The following HMGB1 variants were observed in gnomAD, a reference collection of about 807,000 sequenced individuals.
HMGB1 encodes the protein high mobility group protein B1.
For synonymous variants in HMGB1, 81 were observed against 84.0 expected, an observed-to-expected ratio of 0.96 and a Z score of 0.19; for missense variants, 79 against 253.5, an observed-to-expected ratio of 0.31 and a Z score of 4.67.
chr13:30,533,136 G>A (rs1387864420), intron 1 of HMGB1, among the ~76,000 whole-genome samples: 1 of 152,156 alleles, frequency 6.6e-6, no homozygotes, highest in Non-Finnish European at 1.5e-5. Context: ...ATGCAGCAGG[G>A]GAGACAGAAG....
intron 1 of HMGB1, among the ~76,000 whole-genome samples, chr13:30,596,373 G>A (rs985980746): frequency 8.5e-5 from 13 of 152,096 alleles, no homozygotes; most frequent in African/African-American, 2.4e-4. Flanking sequence ...TTTACCATAC[G>A]CGCCTTAGCA....
At chr13:30,473,861 CA>C (rs1887005534) in intron 1 of HMGB1, among the ~76,000 whole-genome samples, 1 of 152,198 alleles carries the variant, frequency 6.6e-6, no homozygotes, top group African/African-American at 2.4e-5. Context: ...AAATGCCCAT[CA>C]ACTGATGAGT....
intron 1 of HMGB1, among the ~76,000 whole-genome samples, chr13:30,605,083 G>A (rs886302141): frequency 1.6e-4 from 24 of 152,338 alleles, no homozygotes; most frequent in African/African-American, 5.3e-4. Context: ...TTCCTCATAC[G>A]GAGATGAGGA....
chr13:30,464,571 C>T, intron 1 of HMGB1: 2 of 983,974 alleles, frequency 2.0e-6, no homozygotes, highest in Non-Finnish European at 2.4e-6. Context: ...CCGGCAGGCC[C>T]TGCAGGCCCG....
Position 30,529,568 on chromosome 13 carries a change from C to G in HMGB1, c.-14-65874G>C, listed in dbSNP as rs116289645. ...AGTTCCATGAAATCCCTTAGGCATACGAGGCACTGCTGGGTGATGAACGCA... is the reference window on the plus strand; with the variant it reads ...AGTTCCATGAAATCCCTTAGGCATAGGAGGCACTGCTGGGTGATGAACGCA... On this transcript the variant is annotated intron_variant, in intron 1 of 4. Transcript: ENST00000405805. Among the ~76,000 whole-genome samples the G allele has an allele frequency of 7.3e-3, 1,110 of 152,248 alleles. 13 individuals are homozygous for G. Among genetic ancestry groups the G allele is most frequent in the African/African-American group, 0.021 (889 of 41,524 alleles).
intron 1 of HMGB1, among the ~76,000 whole-genome samples, chr13:30,471,708 G>A (rs1291207786): frequency 1.0e-5 from 1 of 99,094 alleles, no homozygotes; most frequent in Non-Finnish European, 1.8e-5. Flanking sequence ...CACTCTTGTT[G>A]CCCAGGCTGG....
intron 1 of HMGB1, among the ~76,000 whole-genome samples, chr13:30,501,848 C>G (rs1300077136): frequency 2.6e-5 from 4 of 151,986 alleles, no homozygotes; most frequent in Non-Finnish European, 4.4e-5. Context: ...AAAGGCAATA[C>G]CAAATACAAA....
intron 1 of HMGB1, chr13:30,465,113 G>A: frequency 1.0e-6 from 1 of 958,994 alleles, no homozygotes; most frequent in Non-Finnish European, 1.2e-6. Flanking sequence ...CGCCCGCCTT[G>A]TTTTCTCTCC....
intron 1 of HMGB1, among the ~76,000 whole-genome samples, chr13:30,578,457 T>C (rs1174957181): frequency 4.3e-5 from 6 of 140,208 alleles, no homozygotes; most frequent in African/African-American, 1.6e-4. Context: ...ACAAACTGAA[T>C]GGAATTGAGC....
chr13:30,495,354 C>A lies in HMGB1; in HGVS notation c.-14-31660G>T, dbSNP rs1171212191. ...TGCTTTTTTCCACTCTCCTTTTGAA[C>A]AACTCTAATTCGTAGAAATTTCTTT... On this transcript the variant is annotated intron_variant, in intron 1 of 4. Transcript: ENST00000405805. Among the ~76,000 whole-genome samples, 3 of 152,176 alleles carry A rather than the reference C, an allele frequency of 2.0e-5. No individual in the cohort carries two copies. In the South Asian group the frequency reaches 6.2e-4, roughly 32 times the overall value.
intron 1 of HMGB1, among the ~76,000 whole-genome samples, chr13:30,573,093 A>G (rs1870502360): frequency 6.6e-6 from 1 of 152,218 alleles, no homozygotes; most frequent in Admixed American, 6.5e-5. Flanking sequence ...CAACTCATTA[A>G]TTATAGGAAT....
intron 1 of HMGB1, among the ~76,000 whole-genome samples, chr13:30,612,853 C>T (rs1467675595): frequency 6.6e-6 from 1 of 152,206 alleles, no homozygotes; most frequent in Non-Finnish European, 1.5e-5. Flanking sequence ...GAAAAACGTT[C>T]TGCTGCTTTC....
intron 1 of HMGB1, among the ~76,000 whole-genome samples, chr13:30,502,488 G>A (rs1171986174): frequency 1.3e-5 from 2 of 151,932 alleles, no homozygotes; most frequent in Non-Finnish European, 2.9e-5. Context: ...ACCTTACATA[G>A]GATTTTAAAA....
At chr13:30,554,169 G>T (rs1051908004) in intron 1 of HMGB1, 1 of 1,380,652 alleles carries the variant, frequency 7.2e-7, no homozygotes, top group Non-Finnish European at 1.0e-6. Flanking sequence ...ATCAATAGTG[G>T]TGAAACCAGA....
chr13:30,569,295 C>T (rs1190187315), intron 1 of HMGB1, among the ~76,000 whole-genome samples: 1 of 152,228 alleles, frequency 6.6e-6, no homozygotes, highest in African/African-American at 2.4e-5. Flanking sequence ...CCATTTCAAA[C>T]TTGGCCTCTT....
At chr13:30,556,471 A>T (rs1014196637) in intron 1 of HMGB1, among the ~76,000 whole-genome samples, 2 of 152,230 alleles carry the variant, frequency 1.3e-5, no homozygotes, top group African/African-American at 4.8e-5. Flanking sequence ...TGTCTACTGC[A>T]GCACTATTCT....
chr13:30,585,729 T>TAAAA (rs1270647294), intron 1 of HMGB1, among the ~76,000 whole-genome samples: 146 of 152,282 alleles, frequency 9.6e-4, no homozygotes, highest in Non-Finnish European at 1.8e-3. Flanking sequence ...TAAATATCTT[T>TAAAA]TTTAACATCA....
At position 30,491,741 on chromosome 13, in the gene HMGB1, C is replaced by T. The variant is rs557931781; in HGVS notation, c.-14-28047G>A. On this transcript the variant is annotated intron_variant, in intron 1 of 4. Transcript: ENST00000405805. ...TACAGAAATCAACTCAAAATGAATGCGAGACCTAAGGGTACAATCTAGAAA... is the reference window on the plus strand; with the variant it reads ...TACAGAAATCAACTCAAAATGAATGTGAGACCTAAGGGTACAATCTAGAAA... 3.3e-5 allele frequency among the ~76,000 whole-genome samples: 5 copies of T among 151,672 alleles called. No individual in the cohort carries two copies. In the South Asian group the frequency reaches 8.4e-4, roughly 25 times the overall value.
intron 1 of HMGB1, among the ~76,000 whole-genome samples, chr13:30,477,185 C>A (rs1181291210): frequency 6.6e-6 from 1 of 152,326 alleles, no homozygotes; most frequent in East Asian, 1.9e-4. Context: ...ACATTCTTGG[C>A]TTTCAAGGTC....
Sources: gnomAD v4.1 joint callset for allele counts (sites outside exome capture counted in the v4.1 genomes callset) on GRCh38, gnomAD v4.1.1 for gene constraint, MANE v1.5 for transcripts, NCBI Gene and HGNC (gene_info 2026-07-23, HGNC 2026-07-21) for gene names.